SEMA6D: variants seen among roughly 807,000 people sequenced by gnomAD.
SEMA6D encodes semaphorin 6D, also known as semaphorin-6D.
A neutral mutation model predicts 106.6 loss-of-function variants in SEMA6D; 35 were observed. The observed-to-expected ratio is 0.33, with a 90% CI of 0.25 to 0.44. The LOEUF is 0.44. Ranked by LOEUF, SEMA6D falls within the 20% of genes least tolerant of loss-of-function variation. The pLI is 1.00. For synonymous variants in SEMA6D, 499 were observed against 487.7 expected, an observed-to-expected ratio of 1.02 and a Z score of -0.31; for missense variants, 1,185 against 1,345.9, an observed-to-expected ratio of 0.88 and a Z score of 1.87.
At chr15:47,646,157 C>T (rs1214542699) in intron 4 of SEMA6D, among the ~76,000 whole-genome samples, 2 of 152,154 alleles carry the variant, frequency 1.3e-5, no homozygotes, top group Non-Finnish European at 2.9e-5. Flanking sequence ...AGTCCCAACC[C>T]TCTAACCTTG....
intron 1 of SEMA6D, among the ~76,000 whole-genome samples, chr15:47,337,051 G>C (rs544795311): frequency 6.6e-6 from 1 of 152,090 alleles, no homozygotes; most frequent in African/African-American, 2.4e-5. Flanking sequence ...AGGCAACAGG[G>C]TGATGGAAAT....
At chr15:47,329,182 T>C (rs2037244294) in intron 1 of SEMA6D, among the ~76,000 whole-genome samples, 1 of 152,096 alleles carries the variant, frequency 6.6e-6, no homozygotes, top group Admixed American at 6.5e-5. Context: ...AGAGTGAGAG[T>C]AATTTATTTC....
chr15:47,258,674 C>G (rs1247128706), intron 1 of SEMA6D, among the ~76,000 whole-genome samples: 1 of 152,086 alleles, frequency 6.6e-6, no homozygotes, highest in African/African-American at 2.4e-5. Flanking sequence ...TCAGACTGAA[C>G]TGTGCCACCA....
At chr15:47,318,484 T>C (rs1250411968) in intron 1 of SEMA6D, among the ~76,000 whole-genome samples, 3 of 144,206 alleles carry the variant, frequency 2.1e-5, no homozygotes, top group Non-Finnish European at 3.0e-5. Context: ...GTTCTCATTG[T>C]TCAATTCCCA....
At chr15:47,714,115 A>C (rs1428871618), upstream of SEMA6D, among the ~76,000 whole-genome samples, 2 of 152,186 alleles carry the variant, frequency 1.3e-5, no homozygotes, top group African/African-American at 2.4e-5. Context: ...TAAATAAATT[A>C]TCCCAAGTCA....
At chr15:47,246,921 C>T (rs1239137626) in intron 1 of SEMA6D, among the ~76,000 whole-genome samples, 2 of 152,054 alleles carry the variant, frequency 1.3e-5, no homozygotes, top group African/African-American at 4.8e-5. Flanking sequence ...GGGTGTGTGG[C>T]GGCCAAATGA....
chr15:47,560,042 C>G (rs1055732770), intron 3 of SEMA6D, among the ~76,000 whole-genome samples: 19 of 152,112 alleles, frequency 1.2e-4, no homozygotes, highest in African/African-American at 4.6e-4. Context: ...AGGCAGACTT[C>G]ACAGATATAG....
chr15:47,377,566 A>G (rs1397545498), intron 1 of SEMA6D, among the ~76,000 whole-genome samples: 5 of 152,190 alleles, frequency 3.3e-5, no homozygotes, highest in African/African-American at 1.2e-4. Flanking sequence ...AAAACAAAAC[A>G]AAAACAAAAA....
intron 2 of SEMA6D, among the ~76,000 whole-genome samples, chr15:47,449,885 TATTTAG>T (rs1210930931): frequency 6.6e-6 from 1 of 152,120 alleles, no homozygotes; most frequent in East Asian, 1.9e-4. Flanking sequence ...TCAAAATGCA[TATTTAG>T]ATGACAAGTT....
At position 47,248,049 on chromosome 15, in the gene SEMA6D, A is replaced by C. The variant is rs2033299328; in HGVS notation, c.-239+63631A>C. ...TGGTTCACAGTAATGACATTACTCCAAAAAATTCAAAGTACCTTATAAATA... is the reference window on the plus strand; with the variant it reads ...TGGTTCACAGTAATGACATTACTCCCAAAAATTCAAAGTACCTTATAAATA... On this transcript the variant is annotated intron_variant, in intron 1 of 19. Coordinates refer to the SEMA6D transcript ENST00000558014. Among the ~76,000 whole-genome samples, 4 of 152,206 alleles carry C rather than the reference A, an allele frequency of 2.6e-5. 1 individual carries two copies. The South Asian group carries it at 8.3e-4, about 32-fold the overall frequency.
intron 3 of SEMA6D, among the ~76,000 whole-genome samples, chr15:47,547,837 A>G (rs144679371): frequency 5.3e-4 from 80 of 152,310 alleles, no homozygotes; most frequent in Non-Finnish European, 8.2e-4. Flanking sequence ...AATGAAGTCA[A>G]GTTGCAGCTC....
At chr15:47,555,554 G>GT (rs1189042796) in intron 3 of SEMA6D, among the ~76,000 whole-genome samples, 1 of 152,148 alleles carries the variant, frequency 6.6e-6, no homozygotes, top group Non-Finnish European at 1.5e-5. Flanking sequence ...GTGGGTATGT[G>GT]TAGTCCAAGT....
intron 1 of SEMA6D, chr15:47,412,281 A>T (rs1381103512): frequency 2.6e-5 from 4 of 152,544 alleles, no homozygotes; most frequent in African/African-American, 9.7e-5. Context: ...TTATCATTAA[A>T]GCAGCAGCAG....
At chr15:47,491,754 T>G (rs948838197) in intron 3 of SEMA6D, among the ~76,000 whole-genome samples, 5 of 152,190 alleles carry the variant, frequency 3.3e-5, no homozygotes, top group African/African-American at 9.6e-5. Flanking sequence ...TATAAATATT[T>G]CAAAATGAGC....
chr15:47,707,420 A>T (rs1030121450), intron 4 of SEMA6D, among the ~76,000 whole-genome samples: 1 of 152,248 alleles, frequency 6.6e-6, no homozygotes, highest in Admixed American at 6.5e-5. Context: ...AAAAGTATCT[A>T]TCAGCATTTT....
chr15:47,309,930 A>G (rs2036380560), intron 1 of SEMA6D, among the ~76,000 whole-genome samples: 1 of 152,200 alleles, frequency 6.6e-6, no homozygotes, highest in Non-Finnish European at 1.5e-5. Flanking sequence ...AAGTTGAACC[A>G]TTGTTAAGTT....
chr15:47,720,791 T>C (rs1308263407), intron 1 of SEMA6D, among the ~76,000 whole-genome samples: 4 of 152,242 alleles, frequency 2.6e-5, no homozygotes, highest in Non-Finnish European at 2.9e-5. Context: ...TGTTCTTGCA[T>C]GTGAGTTTCA....
intron 1 of SEMA6D, among the ~76,000 whole-genome samples, chr15:47,217,649 A>G (rs866304514): frequency 2.9e-4 from 44 of 151,902 alleles, no homozygotes; most frequent in Middle Eastern, 6.8e-3. Flanking sequence ...AAAAATACAG[A>G]CAAAATTATA....
At chr15:47,503,440 G>A (rs974590354) in intron 3 of SEMA6D, among the ~76,000 whole-genome samples, 32 of 152,138 alleles carry the variant, frequency 2.1e-4, no homozygotes, top group Non-Finnish European at 7.3e-5. Context: ...GGTGTATTCC[G>A]ACTGATTTGT....
Sources: allele counts gnomAD v4.1 joint callset (sites outside exome capture counted in the v4.1 genomes callset), GRCh38; gene constraint gnomAD v4.1.1; transcripts MANE v1.5; gene names NCBI Gene and HGNC (gene_info 2026-07-23, HGNC 2026-07-21).